The following PRLR variants were observed in gnomAD, a reference collection of about 807,000 sequenced individuals.
PRLR encodes the protein prolactin receptor, also known as hPRL receptor.
In PRLR, 13 loss-of-function variants were observed where a neutral mutation model predicts 40.2. The observed-to-expected ratio is 0.32, with a 90% confidence interval of 0.21 to 0.51. The LOEUF (loss-of-function observed/expected upper bound fraction) is 0.51. Ranked by LOEUF, PRLR falls within the 20% of genes least tolerant of loss-of-function variation. PRLR has a pLI of 0.97. For synonymous variants in PRLR, 269 were observed against 278.7 expected, an observed-to-expected ratio of 0.97 and a Z score of 0.35; for missense variants, 656 against 747.3, an observed-to-expected ratio of 0.88 and a Z score of 1.42.
chr5:35,159,541 G>A (rs1039972527), intron 1 of PRLR, among the ~76,000 whole-genome samples: 7 of 152,094 alleles, frequency 4.6e-5, no homozygotes, highest in African/African-American at 7.2e-5. Flanking sequence ...ATGTTTGGCC[G>A]TTAAGCAAGC....
At chr5:35,118,181 T>G in intron 1 of PRLR, 59 bp from the exon 2 acceptor site, 2 of 869,098 alleles carry the variant, frequency 2.3e-6, no homozygotes, top group Non-Finnish European at 2.8e-6. Context: ...ATTCCATTTC[T>G]GGCTCACTCT....
intron 2 of PRLR, among the ~76,000 whole-genome samples, chr5:35,102,950 C>T (rs2111562105): frequency 6.6e-6 from 1 of 152,234 alleles, no homozygotes; most frequent in South Asian, 2.1e-4. Flanking sequence ...TCTTCTAGCC[C>T]CTTCCACTCT....
At chr5:35,087,811 A>G (rs1770952310) in intron 3 of PRLR, among the ~76,000 whole-genome samples, 1 of 152,128 alleles carries the variant, frequency 6.6e-6, no homozygotes, top group Admixed American at 6.6e-5. Context: ...AGCCCTGGGA[A>G]TTTGCCCTGA....
chr5:35,158,697 G>T (rs942028236), intron 1 of PRLR, among the ~76,000 whole-genome samples: 5 of 152,162 alleles, frequency 3.3e-5, no homozygotes, highest in Middle Eastern at 3.4e-3. Context: ...CTCAAGCAAG[G>T]ACGGTGGCTT....
At chr5:35,088,488 C>T (rs1579618509) in intron 3 of PRLR, among the ~76,000 whole-genome samples, 1 of 152,316 alleles carries the variant, frequency 6.6e-6, no homozygotes, top group South Asian at 2.1e-4. Flanking sequence ...TTTAGTTTCT[C>T]TTGTGGGTCA....
intron 5 of PRLR, among the ~76,000 whole-genome samples, chr5:35,073,738 G>T (rs185482324): frequency 6.6e-6 from 1 of 152,160 alleles, no homozygotes; most frequent in African/African-American, 2.4e-5. Context: ...TGAGTGAAGT[G>T]CATAGGATAC....
At chr5:35,115,970 C>G (rs1317115396) in intron 2 of PRLR, among the ~76,000 whole-genome samples, 2 of 152,084 alleles carry the variant, frequency 1.3e-5, no homozygotes, top group Admixed American at 6.5e-5. Context: ...TCTGGATGTT[C>G]TTTTCACCCT....
chr5:35,078,048 T>C (rs1027480238), intron 5 of PRLR, among the ~76,000 whole-genome samples: 3 of 152,100 alleles, frequency 2.0e-5, no homozygotes, highest in Admixed American at 6.5e-5. Flanking sequence ...GGGACACATT[T>C]AAAGCAGTGT....
intron 1 of PRLR, among the ~76,000 whole-genome samples, chr5:35,215,580 T>TA (rs1776264965): frequency 6.6e-6 from 1 of 152,122 alleles, no homozygotes; most frequent in South Asian, 2.1e-4. Context: ...GACAGAGAGG[T>TA]AACTCACTTG....
intron 1 of PRLR, among the ~76,000 whole-genome samples, chr5:35,206,312 C>T (rs1306909954): frequency 2.0e-5 from 3 of 151,804 alleles, no homozygotes; most frequent in Non-Finnish European, 4.4e-5. Context: ...GGTGGCGAAT[C>T]TTAAGATATT....
chr5:35,185,299 T>C (rs1775397426), intron 1 of PRLR, among the ~76,000 whole-genome samples: 1 of 152,192 alleles, frequency 6.6e-6, no homozygotes, highest in Admixed American at 6.5e-5. Flanking sequence ...AGAGTTATTT[T>C]ATACAAGGAA....
At chr5:35,126,786 GATT>G (rs549013748) in intron 1 of PRLR, among the ~76,000 whole-genome samples, 48 of 152,310 alleles carry the variant, frequency 3.2e-4, no homozygotes, top group Admixed American at 3.0e-3. Flanking sequence ...ATATGCTAAT[GATT>G]ATTAACAGCT....
At chr5:35,102,199 A>G (rs965220015) in intron 2 of PRLR, among the ~76,000 whole-genome samples, 1 of 152,060 alleles carries the variant, frequency 6.6e-6, no homozygotes, top group African/African-American at 2.4e-5. Context: ...GAAACTTTTT[A>G]TGGAGTACTG....
At chr5:35,053,296 C>A (rs1396762921), downstream of PRLR, among the ~76,000 whole-genome samples, 1 of 152,174 alleles carries the variant, frequency 6.6e-6, no homozygotes, top group Non-Finnish European at 1.5e-5. Context: ...TCCAAGAAAA[C>A]CTACAAATTA....
intron 1 of PRLR, among the ~76,000 whole-genome samples, chr5:35,150,825 C>T (rs1365264506): frequency 1.3e-5 from 2 of 152,160 alleles, no homozygotes; most frequent in Non-Finnish European, 2.9e-5. Flanking sequence ...GACATTTTCT[C>T]CCCACAATAA....
chr5:35,138,501 A>T (rs1773923391), intron 1 of PRLR, among the ~76,000 whole-genome samples: 1 of 152,190 alleles, frequency 6.6e-6, no homozygotes, highest in African/African-American at 2.4e-5. Flanking sequence ...GAATTTATGG[A>T]AAACAGGACA....
At chr5:35,176,771 GAAAGACCTGA>G (rs1775159835) in intron 1 of PRLR, among the ~76,000 whole-genome samples, 3 of 152,336 alleles carry the variant, frequency 2.0e-5, no homozygotes, top group Admixed American at 2.0e-4. Flanking sequence ...CGTGGGAAGG[GAAAGACCTGA>G]CCGTCCCCCA....
chr5:35,220,007 C>T (rs1776376855), intron 1 of PRLR, among the ~76,000 whole-genome samples: 1 of 152,178 alleles, frequency 6.6e-6, no homozygotes, highest in Admixed American at 6.5e-5. Flanking sequence ...ACCTCTTCCA[C>T]CTTGCTTGCT....
intron 1 of PRLR, among the ~76,000 whole-genome samples, chr5:35,136,007 T>C (rs182596852): frequency 1.3e-5 from 2 of 152,104 alleles, no homozygotes; most frequent in Admixed American, 6.6e-5. Context: ...AAAGCAGCAA[T>C]GTGAGAAGCA....
Sources: gnomAD v4.1 joint callset for allele counts (sites outside exome capture counted in the v4.1 genomes callset) on GRCh38, gnomAD v4.1.1 for gene constraint, MANE v1.5 for transcripts, NCBI Gene and HGNC (gene_info 2026-07-23, HGNC 2026-07-21) for gene names.